SPATA31H1: variants seen among roughly 807,000 people sequenced by gnomAD.
The protein encoded by SPATA31H1 is spermatogenesis-associated protein 31H1.
chr2:27,579,648 G>A, the SPATA31H1 span: 2 of 1,614,046 alleles, frequency 1.2e-6, no homozygotes, highest in Non-Finnish European at 1.7e-6. Flanking sequence ...CCAGCTTCCT[G>A]TCCTGGTAAA....
the SPATA31H1 span, chr2:27,580,714 C>T: frequency 1.2e-6 from 2 of 1,614,202 alleles, no homozygotes; most frequent in African/African-American, 2.7e-5. Flanking sequence ...GGGACAAGGC[C>T]AGACAATTTG....
the SPATA31H1 span, among the ~76,000 whole-genome samples, chr2:27,551,827 CTTT>C: frequency 6.6e-6 from 1 of 151,370 alleles, no homozygotes; most frequent in Admixed American, 6.6e-5. Context: ...TCTAGACTAG[CTTT>C]TTTTTTTGTT....
chr2:27,564,216 T>A, the SPATA31H1 span, among the ~76,000 whole-genome samples: 1 of 152,194 alleles, frequency 6.6e-6, no homozygotes, highest in Non-Finnish European at 1.5e-5. Context: ...TTTTGTTTTT[T>A]CCCACCTAGA....
At chr2:27,572,110 C>T in the SPATA31H1 span, 4 of 398,210 alleles carry the variant, frequency 1.0e-5, no homozygotes, top group African/African-American at 2.1e-5. Context: ...GACCTACAGT[C>T]GAAAGGTATA....
chr2:27,578,436 C>T, the SPATA31H1 span: 9 of 1,613,870 alleles, frequency 5.6e-6, no homozygotes, highest in African/African-American at 2.7e-5. Context: ...AGGAGTAGCC[C>T]TAGAATCAGG....
chr2:27,570,316 T>C, the SPATA31H1 span: 1 of 398,772 alleles, frequency 2.5e-6, no homozygotes, highest in Admixed American at 4.4e-5. Flanking sequence ...TCTGCGAAAT[T>C]GACCTCAGAA....
the SPATA31H1 span, among the ~76,000 whole-genome samples, chr2:27,546,318 AT>A: frequency 1.3e-5 from 2 of 151,298 alleles, no homozygotes; most frequent in Non-Finnish European, 2.9e-5. Flanking sequence ...TAGAACCCTT[AT>A]TTTTTTTCTT....
At chr2:27,548,777 T>G in the SPATA31H1 span, among the ~76,000 whole-genome samples, 2 of 151,586 alleles carry the variant, frequency 1.3e-5, no homozygotes, top group African/African-American at 2.4e-5. Context: ...TTTATTTATG[T>G]GTTGAAGAAA....
chr2:27,571,584 G>A, the SPATA31H1 span: 2 of 398,386 alleles, frequency 5.0e-6, no homozygotes, highest in Admixed American at 4.4e-5. Context: ...GATGCAAGGT[G>A]AGTCTATGGC....
the SPATA31H1 span, among the ~76,000 whole-genome samples, chr2:27,538,853 C>G: frequency 1.3e-5 from 2 of 151,550 alleles, no homozygotes; most frequent in Non-Finnish European, 2.9e-5. Flanking sequence ...GAAAAGAGAA[C>G]ATAAATTAAT....
chr2:27,546,652 C>A, the SPATA31H1 span, among the ~76,000 whole-genome samples: 1 of 151,986 alleles, frequency 6.6e-6, no homozygotes, highest in African/African-American at 2.4e-5. Context: ...TCCACCTCAA[C>A]CTCCCAAGTA....
the SPATA31H1 span, chr2:27,579,494 C>T: frequency 6.2e-7 from 1 of 1,614,060 alleles, no homozygotes; most frequent in African/African-American, 1.3e-5. Flanking sequence ...AAAGAATGGC[C>T]TTAAGGATAT....
the SPATA31H1 span, chr2:27,577,743 AT>A: frequency 6.2e-7 from 1 of 1,614,132 alleles, no homozygotes; most frequent in South Asian, 1.1e-5. This position sits in a 1 kb window ranked among gnomAD's most constrained non-coding sequence, Gnocchi z 4.5. Context: ...ATCTCCAGGG[AT>A]AATATCAGGG....
chr2:27,539,110 T>TC, the SPATA31H1 span, among the ~76,000 whole-genome samples: 39 of 133,004 alleles, frequency 2.9e-4, no homozygotes, highest in African/African-American at 1.2e-3. Flanking sequence ...TCTTTTTTTT[T>TC]TTTTTTTTTT....
chr2:27,552,569 G>A, the SPATA31H1 span, among the ~76,000 whole-genome samples: 1 of 151,918 alleles, frequency 6.6e-6, no homozygotes, highest in African/African-American at 2.4e-5. Flanking sequence ...GCTATTTAGG[G>A]ACCTTTGTAA....
At chr2:27,575,845 G>A in the SPATA31H1 span, 1 of 398,256 alleles carries the variant, frequency 2.5e-6, no homozygotes, top group African/African-American at 2.1e-5. This position sits in a 1 kb window ranked among gnomAD's most constrained non-coding sequence, Gnocchi z 4.1. Context: ...TCTATTGGGT[G>A]CAACCCAGGG....
the SPATA31H1 span, chr2:27,577,981 G>A: frequency 5.6e-6 from 9 of 1,613,960 alleles, no homozygotes; most frequent in Admixed American, 3.3e-5. The surrounding 1 kb of genome is among the most constrained non-coding windows in gnomAD (Gnocchi z 4.5). Flanking sequence ...CCACTGGGTC[G>A]AATTGTAGAA....
At chr2:27,575,722 C>G in the SPATA31H1 span, 2 of 398,512 alleles carry the variant, frequency 5.0e-6, no homozygotes, top group Non-Finnish European at 8.8e-6. The surrounding 1 kb of genome is among the most constrained non-coding windows in gnomAD (Gnocchi z 4.1). Context: ...AATTCTGCAT[C>G]CATTCCAGCA....
the SPATA31H1 span, among the ~76,000 whole-genome samples, chr2:27,556,888 C>T: frequency 2.0e-5 from 2 of 98,260 alleles, no homozygotes; most frequent in Non-Finnish European, 4.0e-5. Flanking sequence ...TCCCTGGGTA[C>T]TTAAGATTAG....
Sources: gnomAD v4.1 joint callset for allele counts (sites outside exome capture counted in the v4.1 genomes callset) on GRCh38, gnomAD v4.1.1 for gene constraint, Gnocchi (gnomAD v3.1) non-coding constraint, MANE v1.5 for transcripts, NCBI Gene and HGNC (gene_info 2026-07-23, HGNC 2026-07-21) for gene names.